The following ZFHX3 variants were observed in gnomAD, a reference collection of about 807,000 sequenced individuals.
ZFHX3 encodes the protein zinc finger homeobox 3, also known as zinc finger homeobox protein 3.
Under a neutral mutation model 279.1 loss-of-function variants are expected in ZFHX3, and 42 were observed. The observed-to-expected ratio is 0.15, with a 90% CI of 0.12 to 0.19. The LOEUF is 0.19. ZFHX3 is among the 10% of genes least tolerant of loss of function. ZFHX3 has a pLI of 1.00. For synonymous variants in ZFHX3, 2,293 were observed against 1,957.8 expected (o/e 1.17, Z -4.52); for missense variants, 4,981 against 4,754.0 (o/e 1.05, Z -1.40).
At chr16:73,106,979 T>A (rs1966313719) in intron 7 of ZFHX3, among the ~76,000 whole-genome samples, 1 of 152,192 alleles carries the variant, frequency 6.6e-6, no homozygotes, top group Non-Finnish European at 1.5e-5. Flanking sequence ...GTGAGTCACT[T>A]GTAATACCAA....
intron 5 of ZFHX3, among the ~76,000 whole-genome samples, chr16:73,223,011 C>T (rs1304920755): frequency 1.3e-5 from 2 of 152,006 alleles, no homozygotes; most frequent in African/African-American, 4.8e-5. Flanking sequence ...AACTGGACAT[C>T]CAATATAAAA....
At chr16:73,022,622 C>G (rs936695164) in intron 1 of ZFHX3, among the ~76,000 whole-genome samples, 3 of 152,110 alleles carry the variant, frequency 2.0e-5, no homozygotes, top group Non-Finnish European at 4.4e-5. Flanking sequence ...AAATCACCCC[C>G]TACGGAGAAC....
chr16:72,983,854 G>A (rs904297145), intron 1 of ZFHX3, among the ~76,000 whole-genome samples: 2 of 152,196 alleles, frequency 1.3e-5, no homozygotes, highest in African/African-American at 4.8e-5. Flanking sequence ...TGCCAAGTGT[G>A]GGTACAGGGT....
intron 3 of ZFHX3, among the ~76,000 whole-genome samples, chr16:73,329,672 A>G (rs1162775944): frequency 6.6e-6 from 1 of 152,222 alleles, no homozygotes; most frequent in Non-Finnish European, 1.5e-5. Flanking sequence ...ATAAAAATTA[A>G]TGACTTTTGC....
intron 4 of ZFHX3, among the ~76,000 whole-genome samples, chr16:72,874,938 ACAC>A (rs1470313748): frequency 6.6e-6 from 1 of 152,202 alleles, no homozygotes; most frequent in East Asian, 1.9e-4. Flanking sequence ...CAAGACCTAC[ACAC>A]CACAACTGCT....
intron 1 of ZFHX3, among the ~76,000 whole-genome samples, chr16:73,023,610 G>A (rs1164152535): frequency 2.0e-5 from 3 of 152,212 alleles, no homozygotes; most frequent in African/African-American, 4.8e-5. Context: ...CCTAGGAGCC[G>A]GAAGACCCCT....
At chr16:72,956,338 T>C (rs773807867) in intron 2 of ZFHX3, among the ~76,000 whole-genome samples, 2 of 152,186 alleles carry the variant, frequency 1.3e-5, no homozygotes, top group African/African-American at 2.4e-5. Context: ...TTCAGGCCAT[T>C]GTCACTGGTC....
At chr16:73,127,336 G>C in intron 7 of ZFHX3, 1 of 1,304,120 alleles carries the variant, frequency 7.7e-7, no homozygotes, top group Non-Finnish European at 1.0e-6. Flanking sequence ...CAGCCGTACA[G>C]AGGAAAGCCG....
chr16:73,309,906 C>A lies in ZFHX3; in HGVS notation c.-1194+8334G>T, dbSNP rs1196145295. Among the ~76,000 whole-genome samples the A allele has an allele frequency of 1.1e-4, 13 of 114,432 alleles. 1 individual carries two copies. In the East Asian group the frequency reaches 2.7e-3, roughly 24 times the overall value. The allele number at this position is 114,432 out of a possible 152,430, so 75.1% of individuals were successfully genotyped here. ...TGCTTTGGGACTCGTTTTTTCTTGC[C>A]TTTTTTTTTTTTTTTTTTTTGAGAT... On this transcript the variant is annotated intron_variant, in intron 4 of 17. Coordinates refer to the ZFHX3 transcript ENST00000641206.
At chr16:72,907,912 G>T (rs1160497580) in intron 3 of ZFHX3, among the ~76,000 whole-genome samples, 1 of 151,886 alleles carries the variant, frequency 6.6e-6, no homozygotes, top group Non-Finnish European at 1.5e-5. Flanking sequence ...TCAAACTCCT[G>T]GCCTCAAGTG....
rs139138679 is a variant in ZFHX3, at chr16:73,023,772, G to T, written c.-50+23980C>A. Among the ~76,000 whole-genome samples, 85 of 152,244 alleles carry T rather than the reference G, an allele frequency of 5.6e-4. 1 individual carries two copies. The East Asian group carries it at 0.015, about 27-fold the overall frequency. ...CTTGCCACCACCCACGCCAATCCTT[G>T]AGCCTAGAGTAACGAAGAGAAAGGC... On this transcript the variant is annotated intron_variant, in intron 1 of 9. Transcript: ENST00000268489.
Position 72,969,397 on chromosome 16 carries a change from G to A in ZFHX3, c.-49-9203C>T, listed in dbSNP as rs148642956. Among the ~76,000 whole-genome samples the A allele has an allele frequency of 5.9e-4, 90 of 152,144 alleles. No homozygotes were observed. In the South Asian group the frequency reaches 6.9e-3, roughly 12 times the overall value. ...TAATACAATACTGAGCCGTTTCCCC[G>A]TGACACTCATGATCCTGACTGTGGG... On this transcript the variant is annotated intron_variant, in intron 1 of 9. Coordinates refer to ENST00000268489, the MANE Select transcript of ZFHX3 (RefSeq NM_006885.4).
Position 72,797,764 on chromosome 16 carries a change from C to T in ZFHX3, c.4918G>A (p.Gly1640Arg), listed in dbSNP as rs775968647. 2.5e-6 allele frequency: 4 copies of T among 1,614,114 alleles called. No individual in the cohort carries two copies. In the Admixed American group the frequency reaches 6.7e-5, roughly 27 times the overall value. ...CTCAAGGAAATACTGCTGCTGTTCCCAGTCCCATTGCTGCTGCCACTTGCA... is the reference window on the plus strand; with the variant it reads ...CTCAAGGAAATACTGCTGCTGTTCCTAGTCCCATTGCTGCTGCCACTTGCA... ...EAASGSSNGT[G>R]NSSSISLSSS... The change falls in exon 9 of 10, where the codon GGG (glycine) becomes AGG (arginine). Residue 1640 changes from glycine to arginine, a missense_variant. Gly to Arg is a moderately radical substitution (Grantham distance 125). Around this residue, in one of 7 missense-constraint regions of ZFHX3, gnomAD observed 1,751 missense variants for 1,770.0 expected, o/e 0.99. Coordinates refer to ENST00000268489, the MANE Select transcript of ZFHX3 (RefSeq NM_006885.4).
chr16:73,270,119 A>G (rs779798135), intron 4 of ZFHX3, among the ~76,000 whole-genome samples: 17 of 152,190 alleles, frequency 1.1e-4, no homozygotes, highest in Non-Finnish European at 1.8e-4. Context: ...CCTTGTCAAC[A>G]CTTGGTATTG....
At chr16:73,080,556 A>G (rs1965931081) in intron 8 of ZFHX3, among the ~76,000 whole-genome samples, 1 of 152,056 alleles carries the variant, frequency 6.6e-6, no homozygotes, top group Non-Finnish European at 1.5e-5. Flanking sequence ...CATTTTAAAC[A>G]TTTATGCCAG....
intron 4 of ZFHX3, among the ~76,000 whole-genome samples, chr16:72,844,806 T>G (rs1334805821): frequency 6.6e-6 from 1 of 152,154 alleles, no homozygotes; most frequent in Non-Finnish European, 1.5e-5. Context: ...ATTGGTATCT[T>G]CAGGCCTGGC....
chr16:73,697,140 A>G (rs2053204863), intron 1 of ZFHX3, among the ~76,000 whole-genome samples: 1 of 152,084 alleles, frequency 6.6e-6, no homozygotes, highest in Admixed American at 6.5e-5. Flanking sequence ...ACCAATTCTG[A>G]TATCACTTAT....
chr16:73,711,264 A>G (rs2053360129), intron 1 of ZFHX3, among the ~76,000 whole-genome samples: 1 of 152,188 alleles, frequency 6.6e-6, no homozygotes, highest in Non-Finnish European at 1.5e-5. Flanking sequence ...GTGGGCCAAA[A>G]AAAAACCATC....
At chr16:73,644,657 T>C (rs1230879700) in intron 2 of ZFHX3, among the ~76,000 whole-genome samples, 2 of 146,610 alleles carry the variant, frequency 1.4e-5, no homozygotes, top group Non-Finnish European at 3.0e-5. Context: ...CGAGACTCTT[T>C]CTCAAAACAA....
Sources: allele counts gnomAD v4.1 joint callset (sites outside exome capture counted in the v4.1 genomes callset), GRCh38; gene constraint gnomAD v4.1.1; regional missense constraint gnomAD v4.1.1; transcripts MANE v1.5; gene names NCBI Gene and HGNC (gene_info 2026-07-23, HGNC 2026-07-21).